The following ZNF704 variants were observed in gnomAD, a reference collection of about 807,000 sequenced individuals.
ZNF704 encodes the protein glucocorticoid induced gene 1.
Under a neutral mutation model 44.7 loss-of-function variants are expected in ZNF704, and 10 were observed. That is an observed-to-expected ratio of 0.22 (90% CI 0.14 to 0.38). ZNF704 has a LOEUF of 0.38. Ranked by LOEUF, ZNF704 falls within the 10% of genes least tolerant of loss-of-function variation. The pLI is 1.00. For missense variants in ZNF704, 390 were observed against 545.5 expected, an observed-to-expected ratio of 0.71 and a Z score of 2.84; for synonymous variants, 211 against 207.6, an observed-to-expected ratio of 1.02 and a Z score of -0.14.
chr8:80,778,099 A>C (rs1410634431), intron 2 of ZNF704, among the ~76,000 whole-genome samples: 2 of 152,208 alleles, frequency 1.3e-5, no homozygotes, highest in African/African-American at 4.8e-5. Flanking sequence ...CCCATTGAGA[A>C]AATATTTGCA....
intron 1 of ZNF704, among the ~76,000 whole-genome samples, chr8:80,862,764 CAAAAAAAAAAAAAAAAA>C (rs71266094): frequency 2.3e-4 from 3 of 13,076 alleles, no homozygotes; most frequent in Non-Finnish European, 4.9e-4. Flanking sequence ...GACTCCGTCT[CAAAAAAAAAAAAAAAAA>C]AAAAAAAAAA....
chr8:80,813,475 C>T lies in ZNF704; in HGVS notation c.221+7899G>A, dbSNP rs184702135. On this transcript the variant is annotated intron_variant, in intron 2 of 8. Coordinates refer to ENST00000327835, the MANE Select transcript of ZNF704 (RefSeq NM_001033723.3). ...TTTTGAATGTCATTTTTAACATCAACCAAAAGAAGAAGAGTACTAAATTCT... is the reference window on the plus strand; with the variant it reads ...TTTTGAATGTCATTTTTAACATCAATCAAAAGAAGAAGAGTACTAAATTCT... Among the ~76,000 whole-genome samples, 19 of 152,176 alleles carry T rather than the reference C, an allele frequency of 1.2e-4. No individual in the cohort carries two copies. In the East Asian group the frequency reaches 3.7e-3, roughly 29 times the overall value.
At chr8:80,734,785 G>A (rs1806640100) in intron 2 of ZNF704, among the ~76,000 whole-genome samples, 2 of 152,160 alleles carry the variant, frequency 1.3e-5, no homozygotes, top group African/African-American at 4.8e-5. Context: ...TAGGTTATTT[G>A]TTGATTGTGT....
At chr8:80,857,659 T>C (rs1414610821) in intron 1 of ZNF704, among the ~76,000 whole-genome samples, 2 of 152,218 alleles carry the variant, frequency 1.3e-5, no homozygotes, top group Non-Finnish European at 2.9e-5. Flanking sequence ...TTTGCCTATG[T>C]ACATGAAAGT....
At chr8:80,700,660 C>T (rs1818794502) in intron 2 of ZNF704, among the ~76,000 whole-genome samples, 1 of 152,168 alleles carries the variant, frequency 6.6e-6, no homozygotes, top group Non-Finnish European at 1.5e-5. Context: ...ACAACCCCTT[C>T]CTCAAAAGTG....
chr8:80,706,945 A>G (rs1041658557), intron 2 of ZNF704, among the ~76,000 whole-genome samples: 2 of 152,224 alleles, frequency 1.3e-5, no homozygotes, highest in African/African-American at 4.8e-5. Context: ...AAGCTGCTTA[A>G]GTTCCAGATT....
intron 2 of ZNF704, among the ~76,000 whole-genome samples, chr8:80,804,585 G>A (rs2130261): frequency 0.21 from 32,415 of 152,034 alleles, 4,839 homozygotes; most frequent in African/African-American, 0.43. Context: ...CAGAAAACCA[G>A]ACACCACATC....
chr8:80,699,845 C>G (rs1818782248), intron 2 of ZNF704, among the ~76,000 whole-genome samples: 1 of 152,170 alleles, frequency 6.6e-6, no homozygotes, highest in Non-Finnish European at 1.5e-5. Context: ...ACCCACTCTG[C>G]CCACTGGACC....
At chr8:80,713,815 C>T (rs917401927) in intron 2 of ZNF704, among the ~76,000 whole-genome samples, 2 of 152,196 alleles carry the variant, frequency 1.3e-5, no homozygotes, top group African/African-American at 4.8e-5. Flanking sequence ...CAGCAAAGTG[C>T]TTCACTCTGA....
intron 2 of ZNF704, among the ~76,000 whole-genome samples, chr8:80,753,564 CCTT>C (rs1300172856): frequency 3.9e-5 from 6 of 152,152 alleles, no homozygotes; most frequent in Admixed American, 3.3e-4. Context: ...AAACATCACT[CCTT>C]CTTCAAAAGC....
At chr8:80,793,113 G>A (rs1414697654) in intron 2 of ZNF704, among the ~76,000 whole-genome samples, 3 of 152,320 alleles carry the variant, frequency 2.0e-5, no homozygotes, top group Middle Eastern at 3.4e-3. Flanking sequence ...GTAGGGACAA[G>A]GGAGGAGCAA....
chr8:80,659,370 T>C (rs1013495021), intron 7 of ZNF704, among the ~76,000 whole-genome samples: 1 of 152,254 alleles, frequency 6.6e-6, no homozygotes, highest in Non-Finnish European at 1.5e-5. Flanking sequence ...TTATGAACAG[T>C]TGAAACTCTC....
intron 4 of ZNF704, among the ~76,000 whole-genome samples, chr8:80,673,977 A>G (rs1818320543): frequency 6.6e-6 from 1 of 152,174 alleles, no homozygotes; most frequent in Admixed American, 6.5e-5. Flanking sequence ...GGGCACACAC[A>G]CCCAGCTCCA....
chr8:80,874,076 G>A lies in ZNF704; in HGVS notation c.-22+495C>T, dbSNP rs1019824045. On this transcript the variant is annotated intron_variant, in intron 1 of 8. Coordinates refer to ENST00000327835, the MANE Select transcript of ZNF704 (RefSeq NM_001033723.3). The surrounding 1 kb of genome is among the most constrained non-coding windows in gnomAD (Gnocchi z 4.4). Reference sequence around the variant, plus strand: ...GCGCGGGGTTGCGGGCCGCGGCGCGGGGCCGGAGAGTTTGTCACCTCCTCT... The same window carrying A: ...GCGCGGGGTTGCGGGCCGCGGCGCGAGGCCGGAGAGTTTGTCACCTCCTCT... Among the ~76,000 whole-genome samples, 5 of 146,698 alleles carry A rather than the reference G, an allele frequency of 3.4e-5. No homozygotes were observed. Among genetic ancestry groups the A allele is most frequent in the Non-Finnish European group, 7.6e-5 (5 of 65,908 alleles).
At chr8:80,739,086 C>T (rs1371320820) in intron 2 of ZNF704, among the ~76,000 whole-genome samples, 1 of 152,188 alleles carries the variant, frequency 6.6e-6, no homozygotes, top group Non-Finnish European at 1.5e-5. Flanking sequence ...GCCCCAAAAT[C>T]CACTCAGGTA....
At chr8:80,832,777 T>C (rs1384135475) in intron 1 of ZNF704, among the ~76,000 whole-genome samples, 2 of 152,260 alleles carry the variant, frequency 1.3e-5, no homozygotes, top group Non-Finnish European at 1.5e-5. Flanking sequence ...TGAGCAACTC[T>C]TTAAGGCCCT....
chr8:80,769,573 C>T (rs966855370), intron 2 of ZNF704, among the ~76,000 whole-genome samples: 2 of 152,218 alleles, frequency 1.3e-5, no homozygotes, highest in African/African-American at 4.8e-5. Context: ...TGCCACCAGT[C>T]TCTTTGCTAA....
At chr8:80,808,095 TG>T (rs1563560489) in intron 2 of ZNF704, among the ~76,000 whole-genome samples, 1 of 152,216 alleles carries the variant, frequency 6.6e-6, no homozygotes, top group Non-Finnish European at 1.5e-5. Context: ...TGTGCACACA[TG>T]GGGTAAGTCC....
chr8:80,703,663 C>T lies in ZNF704; in HGVS notation c.222-10556G>A, dbSNP rs78155337. Among the ~76,000 whole-genome samples, 56 of 152,150 alleles carry T rather than the reference C, an allele frequency of 3.7e-4. 1 individual carries two copies. Among genetic ancestry groups the T allele is most frequent in the African/African-American group, 1.1e-3 (47 of 41,502 alleles). Reference sequence around the variant, plus strand: ...CTAATTTTTTAAGTTTCTGTAGAGACGGGGTCTCACTATGTTGCCCAGGCT... The same window carrying T: ...CTAATTTTTTAAGTTTCTGTAGAGATGGGGTCTCACTATGTTGCCCAGGCT... On this transcript the variant is annotated intron_variant, in intron 2 of 8. Coordinates refer to ENST00000327835, the MANE Select transcript of ZNF704 (RefSeq NM_001033723.3).
Sources: allele counts gnomAD v4.1 joint callset (sites outside exome capture counted in the v4.1 genomes callset), GRCh38; gene constraint gnomAD v4.1.1; non-coding constraint Gnocchi (gnomAD v3.1); transcripts MANE v1.5; gene names NCBI Gene and HGNC (gene_info 2026-07-23, HGNC 2026-07-21).